HS6ST3: variants seen among roughly 807,000 people sequenced by gnomAD.
The protein encoded by HS6ST3 is heparan-sulfate 6-O-sulfotransferase 3.
Under a neutral mutation model 36.7 loss-of-function variants are expected in HS6ST3, and 12 were observed. The ratio of observed to expected loss-of-function variants is 0.33; its 90% confidence interval spans 0.21 to 0.53. The LOEUF is 0.53. HS6ST3 is among the 20% of genes least tolerant of loss of function. The pLI is 0.95. For missense variants in HS6ST3, 584 were observed against 640.9 expected (o/e 0.91, Z 0.96); for synonymous variants, 240 against 257.5 (o/e 0.93, Z 0.65).
chr13:96,288,435 T>C (rs1014810259), intron 1 of HS6ST3, among the ~76,000 whole-genome samples: 27 of 152,078 alleles, frequency 1.8e-4, no homozygotes, highest in Admixed American at 6.6e-4. Context: ...AATGCTGTAA[T>C]ATATTAGAAA....
chr13:96,518,577 A>G (rs2056081699), intron 1 of HS6ST3, among the ~76,000 whole-genome samples: 2 of 152,156 alleles, frequency 1.3e-5, no homozygotes, highest in African/African-American at 4.8e-5. Context: ...TATGAGTAAC[A>G]TTTCTTAAAA....
In HS6ST3 at chr13:96,680,164, G is replaced by C. The variant is rs2056713407; in HGVS notation, c.708-152326G>C. ...CCCATCCCAGCATCTCTCTCTGGGG[G>C]ACAACTGACACAAACAGGCTGCCAC... On this transcript the variant is annotated intron_variant, in intron 1 of 1. Transcript: ENST00000376705. Among the ~76,000 whole-genome samples, 4 of 152,058 alleles carry C rather than the reference G, an allele frequency of 2.6e-5. No homozygotes were observed. In the South Asian group the frequency reaches 8.3e-4, roughly 32 times the overall value.
chr13:96,578,070 C>A (rs1285410585), intron 1 of HS6ST3, among the ~76,000 whole-genome samples: 2 of 152,200 alleles, frequency 1.3e-5, no homozygotes, highest in East Asian at 1.9e-4. Flanking sequence ...CAGCACCACA[C>A]CAAAGTGGAC....
At chr13:96,244,010 G>GC (rs558778974) in intron 1 of HS6ST3, among the ~76,000 whole-genome samples, 12 of 150,612 alleles carry the variant, frequency 8.0e-5, no homozygotes, top group South Asian at 2.1e-4. Context: ...ACTAAAAAAG[G>GC]CCCCCCCGAG....
intron 1 of HS6ST3, among the ~76,000 whole-genome samples, chr13:96,105,929 T>C (rs2053839522): frequency 6.6e-6 from 1 of 152,156 alleles, no homozygotes; most frequent in Non-Finnish European, 1.5e-5. Context: ...TAATTCCTGG[T>C]ATTGTAATCA....
chr13:96,242,179 A>G (rs912389236), intron 1 of HS6ST3, among the ~76,000 whole-genome samples: 4 of 150,660 alleles, frequency 2.7e-5, no homozygotes, highest in South Asian at 2.1e-4. Context: ...CCTCCTTTCA[A>G]CAGCCCCTGG....
At chr13:96,802,099 G>GAGGAAAACTCAC (rs1453434238) in intron 1 of HS6ST3, among the ~76,000 whole-genome samples, 20 of 152,178 alleles carry the variant, frequency 1.3e-4, no homozygotes, top group South Asian at 2.1e-4. Context: ...AATTATCAGG[G>GAGGAAAACTCAC]AGGAAAACTC....
At chr13:96,547,434 T>C (rs935059810) in intron 1 of HS6ST3, among the ~76,000 whole-genome samples, 1 of 152,208 alleles carries the variant, frequency 6.6e-6, no homozygotes, top group Non-Finnish European at 1.5e-5. Flanking sequence ...CCATCAATAA[T>C]ATCTTTCATT....
intron 1 of HS6ST3, among the ~76,000 whole-genome samples, chr13:96,400,580 T>C (rs889857946): frequency 3.3e-5 from 5 of 152,038 alleles, no homozygotes; most frequent in Admixed American, 6.6e-5. Flanking sequence ...TGGTAATGGC[T>C]GTAATTAGAG....
At chr13:96,411,219 C>T (rs1166080511) in intron 1 of HS6ST3, among the ~76,000 whole-genome samples, 1 of 152,164 alleles carries the variant, frequency 6.6e-6, no homozygotes, top group Non-Finnish European at 1.5e-5. Context: ...CCACAGTCCC[C>T]CATTCCATCA....
chr13:96,637,619 T>C (rs2139004547), intron 1 of HS6ST3, among the ~76,000 whole-genome samples: 1 of 152,164 alleles, frequency 6.6e-6, no homozygotes, highest in Middle Eastern at 3.4e-3. Flanking sequence ...GAGCAAGGCC[T>C]TAGAAGTTAC....
chr13:96,314,433 A>G (rs1481389862), intron 1 of HS6ST3, among the ~76,000 whole-genome samples: 4 of 152,242 alleles, frequency 2.6e-5, no homozygotes, highest in African/African-American at 9.6e-5. Context: ...ATTTTCTTAA[A>G]AAGTTACTCA....
At chr13:96,456,007 A>G (rs1166013994) in intron 1 of HS6ST3, among the ~76,000 whole-genome samples, 1 of 152,180 alleles carries the variant, frequency 6.6e-6, no homozygotes, top group African/African-American at 2.4e-5. Flanking sequence ...ACAGTGATGA[A>G]GCTATGCTAT....
intron 1 of HS6ST3, among the ~76,000 whole-genome samples, chr13:96,623,324 G>T (rs975681832): frequency 1.1e-4 from 16 of 152,060 alleles, no homozygotes; most frequent in African/African-American, 3.6e-4. Context: ...CCTGTGCTGG[G>T]GGGCACTGGG....
chr13:96,448,933 T>C (rs1240085033), intron 1 of HS6ST3, among the ~76,000 whole-genome samples: 1 of 150,930 alleles, frequency 6.6e-6, no homozygotes, highest in Non-Finnish European at 1.5e-5. Context: ...ATTTTCATTT[T>C]GTCTCACCTT....
At chr13:96,444,382 G>C (rs1243112480) in intron 1 of HS6ST3, among the ~76,000 whole-genome samples, 1 of 152,166 alleles carries the variant, frequency 6.6e-6, no homozygotes, top group Non-Finnish European at 1.5e-5. Context: ...AATGGACCCT[G>C]ATGTGGGAAC....
intron 1 of HS6ST3, among the ~76,000 whole-genome samples, chr13:96,200,634 C>T (rs1003469252): frequency 6.6e-6 from 1 of 151,994 alleles, no homozygotes; most frequent in African/African-American, 2.4e-5. Context: ...TTATTTTTTC[C>T]CATTTGTTAT....
intron 1 of HS6ST3, among the ~76,000 whole-genome samples, chr13:96,317,356 ATATATATATAT>A (rs2054978682): frequency 7.1e-5 from 1 of 14,184 alleles, no homozygotes; most frequent in African/African-American, 1.5e-4. Flanking sequence ...ATATATATAT[ATATATATATAT>A]AAAATTATAT....
At chr13:96,807,442 T>C (rs1320640952) in intron 1 of HS6ST3, among the ~76,000 whole-genome samples, 2 of 151,960 alleles carry the variant, frequency 1.3e-5, no homozygotes, top group Non-Finnish European at 2.9e-5. Context: ...GGTGCCTTTA[T>C]GAAAGGGGGA....
Sources: gnomAD v4.1 joint callset for allele counts (sites outside exome capture counted in the v4.1 genomes callset) on GRCh38, gnomAD v4.1.1 for gene constraint, MANE v1.5 for transcripts, NCBI Gene and HGNC (gene_info 2026-07-23, HGNC 2026-07-21) for gene names.